Variants in RERE observed in about 807,000 individuals in gnomAD.
The protein encoded by RERE is arginine-glutamic acid dipeptide repeats protein.
In RERE, 40 loss-of-function variants were observed where a neutral mutation model predicts 146.1. The observed-to-expected ratio is 0.27, with a 90% CI of 0.21 to 0.36. The LOEUF (loss-of-function observed/expected upper bound fraction) is 0.36. Among genes scored for constraint, RERE ranks in the 10% least tolerant of loss-of-function variants. The pLI is 1.00. For synonymous variants in RERE, 1,003 were observed against 866.0 expected (o/e 1.16, Z -2.78); for missense variants, 1,933 against 2,138.7 (o/e 0.90, Z 1.90).
intron 12 of RERE, among the ~76,000 whole-genome samples, chr1:8,366,941 AC>A (rs1460163013): frequency 0.028 from 4,079 of 145,754 alleles, 260 homozygotes; most frequent in African/African-American, 0.09. Context: ...AAAAAAAAAA[AC>A]CCAAAAAACA....
chr1:8,457,037 A>G (rs1644460738), intron 11 of RERE, among the ~76,000 whole-genome samples: 1 of 152,212 alleles, frequency 6.6e-6, no homozygotes, highest in African/African-American at 2.4e-5. Context: ...TCACTGCTGT[A>G]TCACCTGGCA....
rs569414573 is a variant in RERE at position 8,755,708 on chromosome 1, C to G, written c.-145+61452G>C. 1.1e-4 allele frequency among the ~76,000 whole-genome samples: 17 copies of G among 152,216 alleles called. No individual in the cohort carries two copies. The South Asian group carries it at 3.5e-3, about 32-fold the overall frequency. On this transcript the variant is annotated intron_variant, in intron 1 of 22. Coordinates refer to ENST00000400908, the MANE Select transcript of RERE (RefSeq NM_001042681.2). ...GAGCAAACAAGACTTTCTAGGCAAG[C>G]AAATCGGCAAAAACAAACTGTATTG...
At chr1:8,496,206 C>A (rs1206467305) in intron 9 of RERE, among the ~76,000 whole-genome samples, 2 of 150,400 alleles carry the variant, frequency 1.3e-5, no homozygotes, top group African/African-American at 2.5e-5. Flanking sequence ...TAGTCATTCA[C>A]TCCACTTACA....
rs1050249907 is a variant in RERE at position 8,639,490 on chromosome 1, A to G, written c.326-15110T>C. ...TAGCTCCGAGTTTTTCTCCAACCAA[A>G]TATCTTCCAGCCAGTCCAGAGAATA... On this transcript the variant is annotated intron_variant, in intron 2 of 22. Transcript: ENST00000400908. Among the ~76,000 whole-genome samples the G allele has an allele frequency of 8.5e-5, 13 of 152,194 alleles. No homozygotes were observed. In the South Asian group the frequency reaches 1.0e-3, roughly 12 times the overall value.
At chr1:8,479,243 T>TA (rs1644800754) in intron 10 of RERE, among the ~76,000 whole-genome samples, 1 of 151,954 alleles carries the variant, frequency 6.6e-6, no homozygotes, top group South Asian at 2.1e-4. Flanking sequence ...TTTAAATAAA[T>TA]AAAAATAAGC....
chr1:8,594,671 A>G (rs1426896240), intron 4 of RERE, among the ~76,000 whole-genome samples: 1 of 152,206 alleles, frequency 6.6e-6, no homozygotes, highest in Non-Finnish European at 1.5e-5. Context: ...TTAATAAATA[A>G]TAATGTTTAA....
intron 7 of RERE, among the ~76,000 whole-genome samples, chr1:8,518,741 GTCT>G (rs1645453213): frequency 6.6e-6 from 1 of 152,176 alleles, no homozygotes; most frequent in Non-Finnish European, 1.5e-5. Context: ...CCCTGAACAA[GTCT>G]GAAATTTCTT....
chr1:8,478,145 T>C (rs539494538), intron 10 of RERE, among the ~76,000 whole-genome samples: 5 of 152,274 alleles, frequency 3.3e-5, no homozygotes, highest in African/African-American at 1.2e-4. Context: ...GACTGTATGA[T>C]TTCAAAAGAG....
At chr1:8,402,892 G>T (rs1002176053) in intron 12 of RERE, among the ~76,000 whole-genome samples, 1 of 152,140 alleles carries the variant, frequency 6.6e-6, no homozygotes, top group African/African-American at 2.4e-5. Context: ...TCAAACCAAT[G>T]ATCCAGTTTC....
chr1:8,417,221 TA>T (rs1643801652), intron 12 of RERE, among the ~76,000 whole-genome samples: 1 of 152,230 alleles, frequency 6.6e-6, no homozygotes. Context: ...AACCTCTTAA[TA>T]TTAACAGAAA....
At chr1:8,806,236 C>A (rs1011034431) in intron 1 of RERE, among the ~76,000 whole-genome samples, 2 of 151,968 alleles carry the variant, frequency 1.3e-5, no homozygotes, top group Admixed American at 6.6e-5. Context: ...TTGTTATTAT[C>A]AATAATTTTT....
intron 1 of RERE, among the ~76,000 whole-genome samples, chr1:8,794,079 T>A (rs7519915): frequency 0.23 from 31,093 of 136,812 alleles, 3,667 homozygotes; most frequent in Middle Eastern, 0.33. Flanking sequence ...AAAAAAAAAA[T>A]TTTTTTTTTT....
chr1:8,501,143 C>CCGCCCCG (rs1645140517), intron 8 of RERE, among the ~76,000 whole-genome samples: 1 of 147,198 alleles, frequency 6.8e-6, no homozygotes. Flanking sequence ...GCCCGGCCAG[C>CCGCCCCG]TGCCCCGTCC....
At chr1:8,732,808 C>CTTTTTTTTTT (rs59337140) in intron 1 of RERE, among the ~76,000 whole-genome samples, 30 of 65,736 alleles carry the variant, frequency 4.6e-4, no homozygotes, top group African/African-American at 1.3e-3. Context: ...TTCAATTTTT[C>CTTTTTTTTTT]TTTTTTTTTT....
intron 11 of RERE, among the ~76,000 whole-genome samples, chr1:8,451,985 G>A (rs1644396175): frequency 6.6e-6 from 1 of 152,096 alleles, no homozygotes; most frequent in Non-Finnish European, 1.5e-5. Flanking sequence ...AAAAGTGGAA[G>A]GCTCTGAATT....
At chr1:8,778,481 G>T (rs1011341273) in intron 1 of RERE, among the ~76,000 whole-genome samples, 2 of 152,164 alleles carry the variant, frequency 1.3e-5, no homozygotes, top group African/African-American at 4.8e-5. Flanking sequence ...TTTAAGCAAA[G>T]AAAAATACTA....
rs1478145447 is a variant in RERE at position 8,490,928 on chromosome 1, AT to A, written c.1104+4134del. Among the ~76,000 whole-genome samples, 4 of 150,532 alleles carry A rather than the reference AT, an allele frequency of 2.7e-5. No homozygotes were observed. In the East Asian group the frequency reaches 5.8e-4, roughly 22 times the overall value. On this transcript the variant is annotated intron_variant, in intron 10 of 22. Transcript: ENST00000400908. Reference sequence around the variant, plus strand: ...GATTTATATATCTGAAAACCCTCAAATTTTTTACTTTGAAACAGAGCAGTTT... The same window carrying A: ...GATTTATATATCTGAAAACCCTCAAATTTTTACTTTGAAACAGAGCAGTTT...
chr1:8,501,658 G>A, intron 8 of RERE, among the ~76,000 whole-genome samples: 1 of 131,676 alleles, frequency 7.6e-6, no homozygotes, highest in South Asian at 2.4e-4. Context: ...AGTCCGGGAG[G>A]GAGGTGGGGG....
intron 4 of RERE, among the ~76,000 whole-genome samples, chr1:8,610,458 G>A: frequency 6.6e-6 from 1 of 151,992 alleles, no homozygotes; most frequent in East Asian, 1.9e-4. Context: ...GCATGGTGGT[G>A]GACGCCTGTA....
Sources: allele counts gnomAD v4.1 joint callset (sites outside exome capture counted in the v4.1 genomes callset), GRCh38; gene constraint gnomAD v4.1.1; transcripts MANE v1.5; gene names NCBI Gene and HGNC (gene_info 2026-07-23, HGNC 2026-07-21).